RRAD: variants seen among roughly 807,000 people sequenced by gnomAD.
The protein encoded by RRAD is GTP-binding protein RAD.
In RRAD, 15 loss-of-function variants were observed where a neutral mutation model predicts 24.7. The ratio of observed to expected loss-of-function variants is 0.61; its 90% CI spans 0.41 to 0.93. The LOEUF (loss-of-function observed/expected upper bound fraction) is 0.93, where lower values mean the gene tolerates loss of function less well. Ranked by LOEUF, RRAD falls within the 40% of genes least tolerant of loss-of-function variation. The pLI is 0.00. For missense variants in RRAD, 438 were observed against 452.2 expected, an observed-to-expected ratio of 0.97 and a Z score of 0.29; for synonymous variants, 180 against 189.8, an observed-to-expected ratio of 0.95 and a Z score of 0.43.
At position 66,923,839 on chromosome 16, in the gene RRAD, A is replaced by C. The variant is rs752859566; in HGVS notation, c.444+7T>G. 6 of 1,613,394 alleles carry C rather than the reference A, an allele frequency of 3.7e-6. No homozygotes were observed. The South Asian group carries it at 6.6e-5, about 18-fold the overall frequency. The stretch of plus-strand genomic sequence containing the variant: ...TCCCCTGCCCTGGGTCTCTGCTTGC[A>C]CCCTACCTGCTCCCAAATGTCGTAG... On this transcript the variant is annotated splice_region_variant and intron_variant, in intron 3 of 4. Transcript: ENST00000299759. This position sits in a 1 kb window ranked among gnomAD's most constrained non-coding sequence, Gnocchi z 4.9.
rs764978814 is a variant in RRAD at position 66,925,060 on chromosome 16, C to T, written c.120G>A (p.Met40Ile). The T allele has an allele frequency of 9.9e-5, 129 of 1,300,320 alleles. 3 individuals are homozygous for T. The Middle Eastern group carries it at 1.2e-3, about 12-fold the overall frequency. The allele number at this position is 1,300,320 out of a possible 1,614,324, so 80.5% of individuals were successfully genotyped here. The change falls in exon 2 of 5, where the codon ATG becomes ATA. Residue 40 changes from methionine to isoleucine, a missense_variant. Coordinates refer to ENST00000299759, the MANE Select transcript of RRAD (RefSeq NM_004165.3). This position sits in a 1 kb window ranked among gnomAD's most constrained non-coding sequence, Gnocchi z 5.2. Reference sequence around the variant, plus strand: ...CCTGCAGGTCGCGCTCGTCCACCGGCATGCTGCGGCGGTGCAGCGGCGGGG... The same window carrying T: ...CCTGCAGGTCGCGCTCGTCCACCGGTATGCTGCGGCGGTGCAGCGGCGGGG... ...GPAPPLHRRS[M>I]PVDERDLQAA...
In RRAD at chr16:66,924,782, C is replaced by T. The variant is rs553748984; in HGVS notation, c.370+28G>A. The T allele has an allele frequency of 2.6e-4, 375 of 1,457,886 alleles. No individual in the cohort carries two copies. The highest frequency in any genetic ancestry group is 3.3e-4 in the Non-Finnish European group (361 of 1,093,734). 90.3% of individuals were successfully genotyped at this position (1,457,886 alleles called of 1,614,324 possible). A position where few individuals can be genotyped will look rare whatever the true frequency, so the allele number is the denominator to read the frequency against. On this transcript the variant is annotated intron_variant, in intron 2 of 4. Coordinates refer to ENST00000299759, the MANE Select transcript of RRAD (RefSeq NM_004165.3). This position sits in a 1 kb window ranked among gnomAD's most constrained non-coding sequence, Gnocchi z 4.2. ...CCCTAGTCCTAGCCCCGGGATCGCC[C>T]CTCCCCTGAACAGCTGGGTCCCCTC...
chr16:66,925,500 G>A lies in RRAD; in HGVS notation c.-107C>T. The stretch of plus-strand genomic sequence containing the variant: ...CTCGGACTTTAGGGTTTCCGCCGCC[G>A]CTGCTGCTGCAGCCACCGCCTTCTC... On this transcript the variant is annotated 5_prime_UTR_variant, in exon 1 of 5. Transcript: ENST00000299759. This position sits in a 1 kb window ranked among gnomAD's most constrained non-coding sequence, Gnocchi z 5.2. 1 of 206,696 alleles carries A rather than the reference G, an allele frequency of 4.8e-6. No homozygotes were observed. The allele number at this position is 206,696 out of a possible 1,614,324, so 12.8% of individuals were successfully genotyped here.
chr16:66,922,345 C>T lies in RRAD; in HGVS notation c.658G>A (p.Ala220Thr). ...SREVSVDEGR[A>T]CAVVFDCKFI... ...TTGCAGTCAAAGACCACCGCGCAGG[C>T]CCGGCCCTCTGTGTGGGTGGGGAAA... Residue 220 changes from alanine to threonine, a missense_variant, in exon 5 of 5, where the codon GCC becomes ACC. By Grantham distance (58) the Ala-to-Thr change is moderately conservative. Coordinates refer to ENST00000299759, the MANE Select transcript of RRAD (RefSeq NM_004165.3). 6.3e-7 allele frequency: 1 copy of T among 1,587,912 alleles called. No homozygotes were observed. Among genetic ancestry groups the T allele is most frequent in the Non-Finnish European group, 8.6e-7 (1 of 1,163,396 alleles).
chr16:66,923,495 T>C lies in RRAD; in HGVS notation c.649+21A>G, dbSNP rs969178751. ...GGCCCAGCTGGGCTCTCCCTCCCCC[T>C]GCAACCTGCCGCCTACTCACCATCC... On this transcript the variant is annotated intron_variant, in intron 4 of 4. Coordinates refer to ENST00000299759, the MANE Select transcript of RRAD (RefSeq NM_004165.3). The surrounding 1 kb of genome is among the most constrained non-coding windows in gnomAD (Gnocchi z 4.9). 1 of 1,591,798 alleles carries C rather than the reference T, an allele frequency of 6.3e-7. No individual in the cohort carries two copies. The highest frequency in any genetic ancestry group is 8.5e-7 in the Non-Finnish European group (1 of 1,171,384).
At position 66,921,845 on chromosome 16, in the gene RRAD, C is replaced by T. The variant is rs1404495425; in HGVS notation, c.*231G>A. On this transcript the variant is annotated 3_prime_UTR_variant, in exon 5 of 5. Coordinates refer to ENST00000299759, the MANE Select transcript of RRAD (RefSeq NM_004165.3). ...GCGGCTGCGCTGCGGCTGCTTGGGA[C>T]GCATATGAGCCTGCGCATGCATCTC... 7 of 484,674 alleles carry T rather than the reference C, an allele frequency of 1.4e-5. No homozygotes were observed. The highest frequency in any genetic ancestry group is 2.2e-5 in the Non-Finnish European group (6 of 274,566). The allele number at this position is 484,674 out of a possible 1,614,324, so 30.0% of individuals were successfully genotyped here.
rs1962984485 is a variant in RRAD at position 66,925,341 on chromosome 16, C to G, written c.-16+68G>C. The G allele has an allele frequency of 1.5e-6, 1 of 660,388 alleles. No homozygotes were observed. The highest frequency in any genetic ancestry group is 2.1e-6 in the Non-Finnish European group (1 of 475,112). 40.9% of individuals were successfully genotyped at this position (660,388 alleles called of 1,614,324 possible). ...AGCCCCCAGGTCGCGGCGCCCTCAC[C>G]CGGGACCCCTCCGGACCTGGCGCAT... On this transcript the variant is annotated intron_variant, in intron 1 of 4. Coordinates refer to ENST00000299759, the MANE Select transcript of RRAD (RefSeq NM_004165.3). This position sits in a 1 kb window ranked among gnomAD's most constrained non-coding sequence, Gnocchi z 5.2.
At position 66,922,086 on chromosome 16, in the gene RRAD, G is replaced by A. The variant is rs535913855; in HGVS notation, c.917C>T (p.Ser306Leu). Residue 306 changes from serine (S) to leucine (L), a missense_variant, in exon 5 of 5, where the codon TCG becomes TTG. Coordinates refer to ENST00000299759, the MANE Select transcript of RRAD (RefSeq NM_004165.3). Reference sequence around the variant, plus strand: ...GGGAGCGGGTGGGACCTAGAGAACCGAGAGGTCGTGGCAGGACTTGGATTT... The same window carrying A: ...GGGAGCGGGTGGGACCTAGAGAACCAAGAGGTCGTGGCAGGACTTGGATTT... ...RAKSKSCHDL[S>L]VL 3.0e-5 allele frequency: 48 copies of A among 1,606,152 alleles called. No homozygotes were observed. The South Asian group carries it at 4.7e-4, about 16-fold the overall frequency.
Position 66,924,819 on chromosome 16 carries a change from C to T in RRAD, c.361G>A (p.Glu121Lys), listed in dbSNP as rs1218029261. 6.4e-7 allele frequency: 1 copy of T among 1,565,470 alleles called. No homozygotes were observed. The change falls in exon 2 of 5, where the codon GAG (glutamate) becomes AAG (lysine). Residue 121 changes from glutamate (E) to lysine (K), a missense_variant. Transcript: ENST00000299759. This position sits in a 1 kb window ranked among gnomAD's most constrained non-coding sequence, Gnocchi z 4.2. Reference protein sequence around the residue: ...FGGVEDGPEAEAAGHTYDRSI... With the variant: ...FGGVEDGPEAKAAGHTYDRSI... The stretch of plus-strand genomic sequence containing the variant: ...AGCTGGGTCCCCTCACCTGCTGCCT[C>T]TGCTTCAGGCCCGTCCTCCACACCG...
At position 66,923,484 on chromosome 16, in the gene RRAD, C is replaced by T. The variant is rs1013320845; in HGVS notation, c.649+32G>A. ...GCCTGGATCAGGGCCCAGCTGGGCT[C>T]TCCCTCCCCCTGCAACCTGCCGCCT... On this transcript the variant is annotated intron_variant, in intron 4 of 4. Coordinates refer to ENST00000299759, the MANE Select transcript of RRAD (RefSeq NM_004165.3). This position sits in a 1 kb window ranked among gnomAD's most constrained non-coding sequence, Gnocchi z 4.9. The T allele has an allele frequency of 5.7e-6, 9 of 1,571,404 alleles. No homozygotes were observed. The highest frequency in any genetic ancestry group is 7.8e-6 in the Non-Finnish European group (9 of 1,156,484).
At position 66,925,382 on chromosome 16, in the gene RRAD, C is replaced by T. The variant is rs972373455; in HGVS notation, c.-16+27G>A. ...CCTGGCGCATCCATCTGCAGCCGCC[C>T]CGACCCCGCTCCGCCAGGACACTCA... On this transcript the variant is annotated intron_variant, in intron 1 of 4. Coordinates refer to ENST00000299759, the MANE Select transcript of RRAD (RefSeq NM_004165.3). The surrounding 1 kb of genome is among the most constrained non-coding windows in gnomAD (Gnocchi z 5.2). The T allele has an allele frequency of 2.5e-5, 10 of 392,832 alleles. No individual in the cohort carries two copies. The highest frequency in any genetic ancestry group is 4.7e-5 in the Admixed American group (1 of 21,370). 24.3% of individuals were successfully genotyped at this position (392,832 alleles called of 1,614,324 possible).
At position 66,925,050 on chromosome 16, in the gene RRAD, C is replaced by A. The variant is rs927491505; in HGVS notation, c.130G>T (p.Glu44Ter). ...GTCAGCGCCGCCTGCAGGTCGCGCTCGTCCACCGGCATGCTGCGGCGGTGC... is the reference window on the plus strand; with the variant it reads ...GTCAGCGCCGCCTGCAGGTCGCGCTAGTCCACCGGCATGCTGCGGCGGTGC... ...PLHRRSMPVD[E>*]RDLQAALTPG... The change falls in exon 2 of 5, where the codon GAG (glutamate) becomes TAG (stop). Residue 44 changes from glutamate (E) to a stop codon, truncating the protein, a stop_gained. Transcript: ENST00000299759. LOFTEE classifies it high-confidence loss of function. This position sits in a 1 kb window ranked among gnomAD's most constrained non-coding sequence, Gnocchi z 5.2. The A allele has an allele frequency of 9.1e-5, 120 of 1,324,244 alleles. No individual in the cohort carries two copies. The highest frequency in any genetic ancestry group is 1.1e-4 in the Non-Finnish European group (115 of 1,037,076). 82.0% of individuals were successfully genotyped at this position (1,324,244 alleles called of 1,614,324 possible).
In RRAD at chr16:66,922,032, C is replaced by A; in HGVS notation, c.*44G>T. 6.4e-7 allele frequency: 1 copy of A among 1,563,166 alleles called. No individual in the cohort carries two copies. ...GGGGCAGTTGGCTGGGCCAGCCCACCAACCCTTCCGTTCGTCTCCCACCAT... is the reference window on the plus strand; with the variant it reads ...GGGGCAGTTGGCTGGGCCAGCCCACAAACCCTTCCGTTCGTCTCCCACCAT... On this transcript the variant is annotated 3_prime_UTR_variant, in exon 5 of 5. Coordinates refer to ENST00000299759, the MANE Select transcript of RRAD (RefSeq NM_004165.3).
rs1298117870 is a variant in RRAD, at chr16:66,924,026, C to T, written c.371-107G>A. ...CAACTCTTCCCCAGAGCCCTCCTTA[C>T]CCTCCACTCCACTTGCAGATGCTGG... On this transcript the variant is annotated intron_variant, in intron 2 of 4. Coordinates refer to ENST00000299759, the MANE Select transcript of RRAD (RefSeq NM_004165.3). The surrounding 1 kb of genome is among the most constrained non-coding windows in gnomAD (Gnocchi z 4.2). 1.1e-5 allele frequency: 9 copies of T among 854,516 alleles called. No individual in the cohort carries two copies. The highest frequency in any genetic ancestry group is 1.4e-5 in the Non-Finnish European group (7 of 495,126). 52.9% of individuals were successfully genotyped at this position (854,516 alleles called of 1,614,324 possible).
rs1246923022 is a variant in RRAD, at chr16:66,922,036, C to A, written c.*40G>T. On this transcript the variant is annotated 3_prime_UTR_variant, in exon 5 of 5. Coordinates refer to ENST00000299759, the MANE Select transcript of RRAD (RefSeq NM_004165.3). The stretch of plus-strand genomic sequence containing the variant: ...CAGTTGGCTGGGCCAGCCCACCAAC[C>A]CTTCCGTTCGTCTCCCACCATAGTG... 1.9e-6 allele frequency: 3 copies of A among 1,568,320 alleles called. No homozygotes were observed. Among genetic ancestry groups the A allele is most frequent in the East Asian group, 2.3e-5 (1 of 43,986 alleles).
Position 66,924,274 on chromosome 16 carries a change from T to C in RRAD, c.371-355A>G, listed in dbSNP as rs1962960504. Among the ~76,000 whole-genome samples the C allele has an allele frequency of 6.6e-6, 1 of 152,200 alleles. No individual in the cohort carries two copies. The highest frequency in any genetic ancestry group is 1.9e-4 in the East Asian group (1 of 5,186). ...ATGCCCTGGCCTTCTACTCTGGGCA[T>C]TTCTTCCCTACCAAAGGCTGGGGGG... On this transcript the variant is annotated intron_variant, in intron 2 of 4. Coordinates refer to ENST00000299759, the MANE Select transcript of RRAD (RefSeq NM_004165.3). This position sits in a 1 kb window ranked among gnomAD's most constrained non-coding sequence, Gnocchi z 4.2.
intron 4 of RRAD, among the ~76,000 whole-genome samples, chr16:66,922,729 C>A (rs1962933560): frequency 6.6e-6 from 1 of 152,202 alleles, no homozygotes; most frequent in African/African-American, 2.4e-5. Context: ...GTCTCCCAGG[C>A]TGGAGTGCAG....
chr16:66,923,764 C>T lies in RRAD; in HGVS notation c.445-44G>A, dbSNP rs768179643. ...ACATCTGCCCAACAGTCCTCATGCC[C>T]CCGACACGAGCCTGGCACTCCCAGA... On this transcript the variant is annotated intron_variant, in intron 3 of 4. Coordinates refer to ENST00000299759, the MANE Select transcript of RRAD (RefSeq NM_004165.3). This position sits in a 1 kb window ranked among gnomAD's most constrained non-coding sequence, Gnocchi z 4.9. 2.5e-6 allele frequency: 4 copies of T among 1,611,930 alleles called. No homozygotes were observed. Among genetic ancestry groups the T allele is most frequent in the Admixed American group, 1.7e-5 (1 of 60,024 alleles).
chr16:66,925,280 G>A lies in RRAD; in HGVS notation c.-15-86C>T, dbSNP rs1001046979. On this transcript the variant is annotated intron_variant, in intron 1 of 4. Transcript: ENST00000299759. The surrounding 1 kb of genome is among the most constrained non-coding windows in gnomAD (Gnocchi z 5.2). The stretch of plus-strand genomic sequence containing the variant: ...ACCTGCCCAACCCGGAGTCAGGCGG[G>A]ATGCTCCGGCCGAGGTCCCGCCGCA... The A allele has an allele frequency of 1.8e-6, 2 of 1,131,258 alleles. No individual in the cohort carries two copies. 70.1% of individuals were successfully genotyped at this position (1,131,258 alleles called of 1,614,324 possible).
Sources: allele counts gnomAD v4.1 joint callset (sites outside exome capture counted in the v4.1 genomes callset), GRCh38; gene constraint gnomAD v4.1.1; non-coding constraint Gnocchi (gnomAD v3.1); transcripts MANE v1.5; gene names NCBI Gene and HGNC (gene_info 2026-07-23, HGNC 2026-07-21).